EPHA3: variants seen among roughly 807,000 people sequenced by gnomAD.
EPHA3 encodes the protein EPH receptor A3, also known as ephrin type-A receptor 3.
A neutral mutation model predicts 107.1 loss-of-function variants in EPHA3; 42 were observed. The observed-to-expected ratio is 0.39, with a 90% confidence interval of 0.31 to 0.51. The LOEUF is 0.51. Among genes scored for constraint, EPHA3 ranks in the 20% least tolerant of loss-of-function variants. The pLI, the probability that EPHA3 is intolerant of heterozygous loss-of-function variation, is 0.78. For synonymous variants in EPHA3, 461 were observed against 424.8 expected (o/e 1.09, Z -1.05); for missense variants, 1,183 against 1,211.2 (o/e 0.98, Z 0.35).
At chr3:89,156,055 G>A (rs964238617) in intron 2 of EPHA3, among the ~76,000 whole-genome samples, 25 of 152,156 alleles carry the variant, frequency 1.6e-4, no homozygotes, top group African/African-American at 6.0e-4. Flanking sequence ...CATTTGGAGC[G>A]ATGTATTTAC....
intron 3 of EPHA3, among the ~76,000 whole-genome samples, chr3:89,242,355 A>AT (rs1704917860): frequency 6.6e-6 from 1 of 152,226 alleles, no homozygotes; most frequent in South Asian, 2.1e-4. Flanking sequence ...TGTAAGTTTC[A>AT]GTGTGAATAC....
intron 2 of EPHA3, among the ~76,000 whole-genome samples, chr3:89,152,383 T>C (rs1704708257): frequency 6.6e-6 from 1 of 152,068 alleles, no homozygotes; most frequent in African/African-American, 2.4e-5. Flanking sequence ...ACAGGCCTTC[T>C]CTTTCCACCC....
chr3:89,146,647 T>C (rs1421772949), intron 2 of EPHA3, among the ~76,000 whole-genome samples: 1 of 152,080 alleles, frequency 6.6e-6, no homozygotes, highest in Non-Finnish European at 1.5e-5. Context: ...TTTAGTTCAA[T>C]TAGATCCCAT....
In EPHA3 at chr3:89,377,811, T is replaced by C. The variant is rs575222898; in HGVS notation, c.1307-18026T>C. Among the ~76,000 whole-genome samples the C allele has an allele frequency of 5.3e-5, 8 of 152,264 alleles. No individual in the cohort carries two copies. The East Asian group carries it at 1.3e-3, about 26-fold the overall frequency. ...AGACCAGGCCAGCAACACTTTATAA[T>C]GCTTATATAATAGTTTCATACAGAT... On this transcript the variant is annotated intron_variant, in intron 5 of 16. Coordinates refer to ENST00000336596, the MANE Select transcript of EPHA3 (RefSeq NM_005233.6).
chr3:89,454,231 C>G (rs1710054351), intron 15 of EPHA3, among the ~76,000 whole-genome samples: 1 of 152,064 alleles, frequency 6.6e-6, no homozygotes. Context: ...CAACTACTTC[C>G]CTACTTCTCT....
At chr3:89,406,550 A>G (rs1301591668) in intron 7 of EPHA3, among the ~76,000 whole-genome samples, 4 of 152,194 alleles carry the variant, frequency 2.6e-5, no homozygotes, top group Non-Finnish European at 4.4e-5. Context: ...CTATATTCCA[A>G]TAAAATTGTA....
At chr3:89,401,611 T>C (rs1477355825) in intron 7 of EPHA3, among the ~76,000 whole-genome samples, 1 of 151,852 alleles carries the variant, frequency 6.6e-6, no homozygotes, top group Non-Finnish European at 1.5e-5. Context: ...TTTCTCAAAA[T>C]CTCTTTCTTT....
rs181434080 is a variant in EPHA3, at chr3:89,396,629, A to T, written c.1431+668A>T. ...AGTATTCCATCATTCTAAATAACTC[A>T]TTTTTTTTCTGGTTGTAAATGATAG... On this transcript the variant is annotated intron_variant, in intron 6 of 16. Coordinates refer to ENST00000336596, the MANE Select transcript of EPHA3 (RefSeq NM_005233.6). 5.9e-3 allele frequency among the ~76,000 whole-genome samples: 894 copies of T among 151,992 alleles called. 13 individuals are homozygous for T. The highest frequency in any genetic ancestry group is 0.021 in the African/African-American group (854 of 41,464).
At chr3:89,222,006 C>T (rs1212036919) in intron 3 of EPHA3, among the ~76,000 whole-genome samples, 1 of 151,988 alleles carries the variant, frequency 6.6e-6, no homozygotes, top group East Asian at 1.9e-4. Flanking sequence ...TTAGGTAAGC[C>T]TCTAACACGC....
At chr3:89,404,319 G>A (rs756134293) in intron 7 of EPHA3, among the ~76,000 whole-genome samples, 24 of 152,126 alleles carry the variant, frequency 1.6e-4, no homozygotes, top group Non-Finnish European at 2.6e-4. Flanking sequence ...CATTTATTGA[G>A]CACTTAATAT....
chr3:89,351,917 G>A (rs1344333910), intron 5 of EPHA3, among the ~76,000 whole-genome samples: 5 of 145,714 alleles, frequency 3.4e-5, no homozygotes, highest in South Asian at 2.2e-4. Flanking sequence ...GTAAATTCAA[G>A]GCAGATGCAA....
chr3:89,333,536 A>T (rs1353935962), intron 3 of EPHA3, among the ~76,000 whole-genome samples: 1 of 152,122 alleles, frequency 6.6e-6, no homozygotes, highest in Non-Finnish European at 1.5e-5. Context: ...CGGCACTTAA[A>T]CTTGAAGAGC....
intron 16 of EPHA3, among the ~76,000 whole-genome samples, chr3:89,476,860 G>A (rs1710525203): frequency 1.3e-5 from 2 of 151,746 alleles, no homozygotes; most frequent in African/African-American, 2.4e-5. Flanking sequence ...CACCCGCCTC[G>A]GCCTCCCAAA....
rs771522192 is a variant in EPHA3, at chr3:89,340,904, T to C, written c.815-12T>C. ...ATCACAGACTTTTAAAAGAGAGTCA[T>C]TTTGTTTGTAGCTTGTCGACCAGGT... On this transcript the variant is annotated splice_polypyrimidine_tract_variant and intron_variant, in intron 3 of 16. Transcript: ENST00000336596. 6.3e-7 allele frequency: 1 copy of C among 1,589,948 alleles called. No individual in the cohort carries two copies. The highest frequency in any genetic ancestry group is 1.8e-5 in the Admixed American group (1 of 54,532).
intron 3 of EPHA3, among the ~76,000 whole-genome samples, chr3:89,287,532 G>A (rs1454012490): frequency 2.0e-5 from 3 of 152,008 alleles, no homozygotes; most frequent in Non-Finnish European, 2.9e-5. Flanking sequence ...CTAAGAAAAA[G>A]AAAGAAGCAT....
At chr3:89,218,000 A>G (rs6779710) in intron 3 of EPHA3, among the ~76,000 whole-genome samples, 137,195 of 152,220 alleles carry the variant, frequency 0.9, 62,156 homozygotes, top group Admixed American at 0.94. Context: ...TTTATCTCAT[A>G]CTTCTACATT....
Position 89,395,941 on chromosome 3 carries a change from G to C in EPHA3, c.1411G>C (p.Glu471Gln), listed in dbSNP as rs537923825. Reference protein sequence around the residue: ...EHPNGIILDYEVKYYEKQEQE... With the variant: ...EHPNGIILDYQVKYYEKQEQE... ...TCCTAATGGGATCATATTGGACTAC[G>C]AGGTCAAATACTATGAAAAGGTGGG... The change falls in exon 6 of 17, where the codon GAG (glutamate) becomes CAG (glutamine). Residue 471 changes from glutamate to glutamine, a missense_variant. Coordinates refer to ENST00000336596, the MANE Select transcript of EPHA3 (RefSeq NM_005233.6). 9 of 1,613,808 alleles carry C rather than the reference G, an allele frequency of 5.6e-6. No homozygotes were observed. The South Asian group carries it at 8.8e-5, about 16-fold the overall frequency.
intron 3 of EPHA3, among the ~76,000 whole-genome samples, chr3:89,325,418 T>G (rs1707142439): frequency 6.6e-6 from 1 of 152,166 alleles, no homozygotes; most frequent in Non-Finnish European, 1.5e-5. Context: ...GAAATGTAAA[T>G]CTGATTATGG....
intron 2 of EPHA3, among the ~76,000 whole-genome samples, chr3:89,146,463 T>C (rs532031551): frequency 6.6e-6 from 1 of 152,180 alleles, no homozygotes; most frequent in African/African-American, 2.4e-5. Flanking sequence ...TCTGTTCATA[T>C]CCTTTGCCAA....
Sources: allele counts gnomAD v4.1 joint callset (sites outside exome capture counted in the v4.1 genomes callset), GRCh38; gene constraint gnomAD v4.1.1; transcripts MANE v1.5; gene names NCBI Gene and HGNC (gene_info 2026-07-23, HGNC 2026-07-21).